Variants in TMEM135 observed in about 807,000 individuals in gnomAD.
The protein encoded by TMEM135 is peroxisomal membrane protein 52.
TMEM135 carries 30 observed loss-of-function variants against 60.3 expected under a neutral mutation model. The ratio of observed to expected loss-of-function variants is 0.50; its 90% confidence interval spans 0.37 to 0.68. The LOEUF is 0.68. Ranked by LOEUF, TMEM135 falls within the 30% of genes least tolerant of loss-of-function variation. TMEM135 has a pLI of 0.00. For synonymous variants in TMEM135, 190 were observed against 186.7 expected (o/e 1.02, Z -0.14); for missense variants, 468 against 548.8 (o/e 0.85, Z 1.47).
intron 6 of TMEM135, among the ~76,000 whole-genome samples, chr11:87,285,665 A>G (rs1942151039): frequency 1.3e-5 from 2 of 152,240 alleles, no homozygotes; most frequent in Non-Finnish European, 2.9e-5. Context: ...GCGGACCTAA[A>G]GAGTGAGCAG....
At chr11:87,159,612 C>T (rs1312365372) in intron 5 of TMEM135, among the ~76,000 whole-genome samples, 2 of 144,592 alleles carry the variant, frequency 1.4e-5, no homozygotes, top group Non-Finnish European at 3.0e-5. Flanking sequence ...CACACACACA[C>T]ACACACCATA....
chr11:87,098,493 G>A lies in TMEM135; in HGVS notation c.396+7098G>A, dbSNP rs1222841486. ...GTACATGACTTATTTTGAACTGCGTGTGAACACTCCTGTTTTGCCAGCTCA... is the reference window on the plus strand; with the variant it reads ...GTACATGACTTATTTTGAACTGCGTATGAACACTCCTGTTTTGCCAGCTCA... On this transcript the variant is annotated intron_variant, in intron 4 of 14. Coordinates refer to ENST00000305494, the MANE Select transcript of TMEM135 (RefSeq NM_022918.4). 3.3e-5 allele frequency among the ~76,000 whole-genome samples: 5 copies of A among 152,084 alleles called. No individual in the cohort carries two copies. In the South Asian group the frequency reaches 1.0e-3, roughly 32 times the overall value.
intron 5 of TMEM135, among the ~76,000 whole-genome samples, chr11:87,231,941 G>C (rs937107564): frequency 1.0e-4 from 15 of 150,268 alleles, no homozygotes; most frequent in African/African-American, 3.4e-4. Flanking sequence ...ATGAAACATA[G>C]AGAGAAAAGA....
chr11:87,148,337 A>T (rs1565461445), intron 4 of TMEM135, among the ~76,000 whole-genome samples: 1 of 152,214 alleles, frequency 6.6e-6, no homozygotes, highest in Non-Finnish European at 1.5e-5. Context: ...GCTTTCCCAT[A>T]GAAACAAAGG....
intron 4 of TMEM135, among the ~76,000 whole-genome samples, chr11:87,144,741 G>A (rs1000701571): frequency 1.6e-5 from 2 of 123,738 alleles, no homozygotes; most frequent in African/African-American, 3.1e-5. Context: ...TGTGTTTTCT[G>A]GCTACTTTCA....
chr11:87,191,202 A>G (rs1939790136), intron 5 of TMEM135, among the ~76,000 whole-genome samples: 1 of 151,218 alleles, frequency 6.6e-6, no homozygotes, highest in Non-Finnish European at 1.5e-5. Context: ...AATGTCTATT[A>G]TCTCCTGATA....
intron 5 of TMEM135, among the ~76,000 whole-genome samples, chr11:87,191,982 CTTTTCTTTTTT>C (rs1939813010): frequency 1.1e-5 from 1 of 93,990 alleles, no homozygotes; most frequent in South Asian, 3.7e-4. Context: ...CTTTTCTTTT[CTTTTCTTTTTT>C]TTTTTTTTTT....
intron 6 of TMEM135, among the ~76,000 whole-genome samples, chr11:87,270,189 G>T (rs1278549639): frequency 6.7e-6 from 1 of 150,226 alleles, no homozygotes; most frequent in South Asian, 2.1e-4. Context: ...TTTTGATGGG[G>T]TTGTTTGTTT....
chr11:87,119,115 TCTTGG>T (rs1824280312), intron 4 of TMEM135, among the ~76,000 whole-genome samples: 1 of 152,374 alleles, frequency 6.6e-6, no homozygotes, highest in Admixed American at 6.5e-5. Context: ...CTCTGGCCTA[TCTTGG>T]CTTTCAACAT....
intron 1 of TMEM135, among the ~76,000 whole-genome samples, chr11:87,040,980 A>G (rs980032391): frequency 3.3e-5 from 5 of 152,170 alleles, no homozygotes; most frequent in Non-Finnish European, 7.3e-5. Context: ...GTAGACATTT[A>G]TAGCATACCT....
At chr11:87,246,852 C>T (rs1303353953) in intron 6 of TMEM135, among the ~76,000 whole-genome samples, 5 of 117,060 alleles carry the variant, frequency 4.3e-5, no homozygotes, top group East Asian at 2.0e-4. Context: ...TCTCTCAACT[C>T]GTCAAAGTCA....
chr11:87,323,061 T>C lies in TMEM135; in HGVS notation c.*1728T>C, dbSNP rs1432493522. The C allele has an allele frequency of 8.8e-6, 4 of 454,316 alleles. No individual in the cohort carries two copies. The highest frequency in any genetic ancestry group is 1.8e-5 in the Non-Finnish European group (4 of 226,716). 28.1% of individuals were successfully genotyped at this position (454,316 alleles called of 1,614,324 possible). ...TTTCTTTATCCAGAAATTGTGCTTA[T>C]ATATTTTCCTGTCAGGTTTAAAAAG... is the stretch of plus-strand genomic sequence containing the variant. On this transcript the variant is annotated 3_prime_UTR_variant, in exon 15 of 15. Transcript: ENST00000305494.
intron 10 of TMEM135, among the ~76,000 whole-genome samples, chr11:87,312,301 A>C (rs1233354121): frequency 6.6e-6 from 1 of 151,534 alleles, no homozygotes; most frequent in African/African-American, 2.4e-5. Context: ...TTTATAATAT[A>C]CATTTTTAAT....
chr11:87,120,964 CAAT>C (rs1257423113), intron 4 of TMEM135: 4 of 152,012 alleles, frequency 2.6e-5, no homozygotes, highest in Admixed American at 6.6e-5. Context: ...GTTGGGGAAA[CAAT>C]GATGAATTGA....
At chr11:87,156,170 A>C (rs1282057591) in intron 4 of TMEM135, among the ~76,000 whole-genome samples, 6 of 152,204 alleles carry the variant, frequency 3.9e-5, no homozygotes, top group African/African-American at 1.4e-4. Flanking sequence ...TCATTTGATC[A>C]TATATGCAAG....
At chr11:87,197,000 A>G (rs1939975498) in intron 5 of TMEM135, among the ~76,000 whole-genome samples, 1 of 152,118 alleles carries the variant, frequency 6.6e-6, no homozygotes, top group Non-Finnish European at 1.5e-5. Flanking sequence ...ACATAGTTAC[A>G]TTTCTCCTAA....
At chr11:87,060,321 A>T (rs1949934181) in intron 1 of TMEM135, among the ~76,000 whole-genome samples, 1 of 152,092 alleles carries the variant, frequency 6.6e-6, no homozygotes, top group Non-Finnish European at 1.5e-5. Flanking sequence ...CTGAGTCATC[A>T]TGGGTGCCTT....
At chr11:87,251,620 T>C (rs1941419089) in intron 6 of TMEM135, among the ~76,000 whole-genome samples, 1 of 151,644 alleles carries the variant, frequency 6.6e-6, no homozygotes, top group Non-Finnish European at 1.5e-5. Context: ...CATATATACA[T>C]GTATATATAT....
intron 5 of TMEM135, among the ~76,000 whole-genome samples, chr11:87,204,171 T>C (rs76783243): frequency 6.6e-6 from 1 of 151,636 alleles, no homozygotes; most frequent in Non-Finnish European, 1.5e-5. Flanking sequence ...TTGTTTTTTT[T>C]ATCTAAAATG....
Sources: gnomAD v4.1 joint callset for allele counts (sites outside exome capture counted in the v4.1 genomes callset) on GRCh38, gnomAD v4.1.1 for gene constraint, MANE v1.5 for transcripts, NCBI Gene and HGNC (gene_info 2026-07-23, HGNC 2026-07-21) for gene names.